Variants in DNAJB6 observed in about 807,000 individuals in gnomAD.
DNAJB6 encodes the protein dnaJ homolog subfamily B member 6.
A neutral mutation model predicts 42.7 loss-of-function variants in DNAJB6; 16 were observed. The ratio of observed to expected loss-of-function variants is 0.37; its 90% confidence interval spans 0.25 to 0.57. The LOEUF is 0.57. DNAJB6 is among the 20% of genes least tolerant of loss of function. The probability of loss-of-function intolerance (pLI) is 0.74; values close to 1 mark genes in which losing one functional copy is unlikely to be tolerated. For synonymous variants in DNAJB6, 170 were observed against 163.5 expected (o/e 1.04, Z -0.30); for missense variants, 347 against 416.8 (o/e 0.83, Z 1.46).
chr7:157,373,629 G>A (rs898659579), intron 5 of DNAJB6, among the ~76,000 whole-genome samples: 3 of 152,208 alleles, frequency 2.0e-5, no homozygotes, highest in Non-Finnish European at 4.4e-5. Context: ...GGGATTACAT[G>A]CGTGAGCCAC....
intron 8 of DNAJB6, 100 bp from the exon 9 acceptor site, chr7:157,409,695 A>C (rs983478688): frequency 2.3e-6 from 3 of 1,319,976 alleles, no homozygotes; most frequent in Non-Finnish European, 2.0e-6. Context: ...GCGCGTCTGG[A>C]TTCAGGGAGA....
chr7:157,373,709 G>T (rs1300290312), intron 5 of DNAJB6, among the ~76,000 whole-genome samples: 1 of 152,298 alleles, frequency 6.6e-6, no homozygotes, highest in South Asian at 2.1e-4. Flanking sequence ...CATGGGAGTG[G>T]CACAGCAGAT....
Position 157,382,397 on chromosome 7 carries a change from A to G in DNAJB6, c.478+20A>G. 2.5e-6 allele frequency: 4 copies of G among 1,569,814 alleles called. No individual in the cohort carries two copies. Among genetic ancestry groups the G allele is most frequent in the Non-Finnish European group, 3.5e-6 (4 of 1,159,120 alleles). ...ATACAGGTATTAAATCCCTAGGTTT[A>G]ATCTCTGTTATCTTAACAGCAGTTA... On this transcript the variant is annotated intron_variant, in intron 6 of 9. Transcript: ENST00000262177.
chr7:157,378,644 C>G (rs1012824093), intron 5 of DNAJB6: 2 of 152,342 alleles, frequency 1.3e-5, no homozygotes, highest in Admixed American at 6.5e-5. Context: ...TGCATGGTTA[C>G]GCACGCTCAG....
chr7:157,416,182 C>A lies in DNAJB6; in HGVS notation c.*84C>A. On this transcript the variant is annotated 3_prime_UTR_variant, in exon 10 of 10. Coordinates refer to ENST00000262177, the MANE Select transcript of DNAJB6 (RefSeq NM_058246.4). ...GCGGTCGTGCACACGCGCTAGGTAG[C>A]AGCGTCGGTCAGGACTGTCTCGAGG... 6.4e-7 allele frequency: 1 copy of A among 1,550,836 alleles called. No homozygotes were observed. Among genetic ancestry groups the A allele is most frequent in the Non-Finnish European group, 8.7e-7 (1 of 1,146,030 alleles).
intron 6 of DNAJB6, among the ~76,000 whole-genome samples, chr7:157,383,611 T>G (rs61556869): frequency 3.0e-4 from 45 of 149,682 alleles, no homozygotes; most frequent in African/African-American, 9.1e-4. Flanking sequence ...GTATGTGTGT[T>G]TGTGTGTGTG....
At chr7:157,406,192 T>C (rs1284560202) in intron 8 of DNAJB6, among the ~76,000 whole-genome samples, 1 of 152,254 alleles carries the variant, frequency 6.6e-6, no homozygotes, top group African/African-American at 2.4e-5. Context: ...TCCCTGTCCA[T>C]GCCGGCAGTG....
intron 1 of DNAJB6, among the ~76,000 whole-genome samples, chr7:157,354,577 A>G (rs1411940129): frequency 6.6e-6 from 1 of 151,842 alleles, no homozygotes; most frequent in East Asian, 1.9e-4. Flanking sequence ...GGGCTCAAGG[A>G]GTCCTCCCAC....
intron 9 of DNAJB6, chr7:157,413,170 C>G (rs73507230): frequency 2.6e-5 from 4 of 151,752 alleles, no homozygotes; most frequent in African/African-American, 7.3e-5. Flanking sequence ...GGGAACCCAC[C>G]GGATCCTCAC....
At chr7:157,403,702 C>T (rs1795627209) in intron 8 of DNAJB6, among the ~76,000 whole-genome samples, 1 of 152,220 alleles carries the variant, frequency 6.6e-6, no homozygotes, top group Non-Finnish European at 1.5e-5. Flanking sequence ...AGCTTGCTCT[C>T]TCCCTTTAGC....
intron 8 of DNAJB6, chr7:157,385,889 C>T: frequency 9.3e-7 from 1 of 1,073,454 alleles, no homozygotes; most frequent in African/African-American, 1.6e-5. Context: ...ATGCACTTTG[C>T]TTTTTTATTA....
rs1563129097 is a variant in DNAJB6, at chr7:157,370,194, AACATTATTATTAAAGAGGCCCTTTCTTC to A, written c.346+2726_346+2753del. Among the ~76,000 whole-genome samples the A allele has an allele frequency of 1.1e-4, 16 of 146,908 alleles. 1 individual carries two copies. In the East Asian group the frequency reaches 1.1e-3, roughly 10 times the overall value. ...ATTATTATTAAACAGGCCCCTTCTT[AACATTATTATTAAAGAGGCCCTTTCTTC>A]ACATTATTATTAAACAGGCCCTTTC... On this transcript the variant is annotated intron_variant, in intron 5 of 9. Coordinates refer to ENST00000262177, the MANE Select transcript of DNAJB6 (RefSeq NM_058246.4).
At chr7:157,382,148 A>T in intron 5 of DNAJB6, 98 bp from the exon 6 acceptor site, 1 of 1,374,144 alleles carries the variant, frequency 7.3e-7, no homozygotes, top group Non-Finnish European at 9.7e-7. Flanking sequence ...TTGTTCCTGA[A>T]TATGTTACAA....
intron 5 of DNAJB6, chr7:157,379,964 A>G (rs1288850503): frequency 6.6e-6 from 1 of 151,886 alleles, no homozygotes; most frequent in Non-Finnish European, 1.5e-5. Flanking sequence ...GATGCCCACC[A>G]CCACTCCTGG....
intron 1 of DNAJB6, among the ~76,000 whole-genome samples, chr7:157,350,258 G>T (rs899373782): frequency 2.0e-5 from 3 of 152,172 alleles, no homozygotes; most frequent in Non-Finnish European, 4.4e-5. Flanking sequence ...AGAGGGGAGG[G>T]ACCAGGTAGG....
rs954371549 is a variant in DNAJB6 at position 157,337,390 on chromosome 7, C to G, written c.-27+246C>G. The G allele has an allele frequency of 7.9e-5, 12 of 152,114 alleles. No homozygotes were observed. The East Asian group carries it at 1.2e-3, about 15-fold the overall frequency. The allele number at this position is 152,114 out of a possible 1,614,324, so 9.4% of individuals were successfully genotyped here. A position where few individuals can be genotyped will look rare whatever the true frequency, so the allele number is the denominator to read the frequency against. ...TGGGGCCGCCCGGCCGCGTCCTCCC[C>G]GCCCGGCGTCCTTGCCGGAACGCGG... On this transcript the variant is annotated intron_variant, in intron 1 of 9. Transcript: ENST00000262177.
chr7:157,363,456 A>ATG (rs1238348279), intron 3 of DNAJB6, among the ~76,000 whole-genome samples, 186 bp downstream of exon 3: 13 of 152,272 alleles, frequency 8.5e-5, no homozygotes, highest in Non-Finnish European at 1.9e-4. Context: ...TTAGGTAACC[A>ATG]CGAGTGCTGG....
At chr7:157,399,373 G>T (rs1036892241) in intron 8 of DNAJB6, among the ~76,000 whole-genome samples, 3 of 152,204 alleles carry the variant, frequency 2.0e-5, no homozygotes, top group Non-Finnish European at 4.4e-5. Context: ...AGCCCTGACC[G>T]CATCAGGACA....
intron 1 of DNAJB6, among the ~76,000 whole-genome samples, chr7:157,342,878 A>G (rs980609872): frequency 6.6e-6 from 1 of 151,914 alleles, no homozygotes; most frequent in Non-Finnish European, 1.5e-5. Context: ...TTTCAGAAAT[A>G]TTTTAGGACA....
Sources: gnomAD v4.1 joint callset for allele counts (sites outside exome capture counted in the v4.1 genomes callset) on GRCh38, gnomAD v4.1.1 for gene constraint, MANE v1.5 for transcripts, NCBI Gene and HGNC (gene_info 2026-07-23, HGNC 2026-07-21) for gene names.